IL7: variants seen among roughly 807,000 people sequenced by gnomAD.
IL7 encodes the protein interleukin 7.
IL7 carries 3 observed loss-of-function variants against 21.6 expected under a neutral mutation model. The observed-to-expected ratio is 0.14, with a 90% confidence interval of 0.06 to 0.36. The LOEUF is 0.36. Among genes scored for constraint, IL7 ranks in the 10% least tolerant of loss-of-function variants. IL7 has a pLI of 1.00. For missense variants in IL7, 175 were observed against 200.2 expected, an observed-to-expected ratio of 0.87 and a Z score of 0.76; for synonymous variants, 62 against 68.1, an observed-to-expected ratio of 0.91 and a Z score of 0.44.
intron 5 of IL7, among the ~76,000 whole-genome samples, chr8:78,719,919 A>G (rs2130629104): frequency 6.6e-6 from 1 of 151,936 alleles, no homozygotes; most frequent in South Asian, 2.1e-4. Context: ...CAGCTTTTTA[A>G]AATGTATTAC....
intron 3 of IL7, chr8:78,686,672 A>G: frequency 1.5e-6 from 2 of 1,378,366 alleles, no homozygotes; most frequent in Middle Eastern, 2.0e-4. Flanking sequence ...AGTTTTTATA[A>G]ATTTTCACTT....
intron 3 of IL7, among the ~76,000 whole-genome samples, chr8:78,687,632 CATT>C (rs1468148123): frequency 7.9e-6 from 1 of 126,578 alleles, no homozygotes; most frequent in Non-Finnish European, 1.6e-5. Context: ...TTACGTAATA[CATT>C]ATATATATAT....
At position 78,705,077 on chromosome 8, in the gene IL7, C is replaced by T. The variant is rs77442309; in HGVS notation, n.214+16271G>A. 6.4e-3 allele frequency among the ~76,000 whole-genome samples: 977 copies of T among 152,248 alleles called. 7 individuals are homozygous for T. Among genetic ancestry groups the T allele is most frequent in the Non-Finnish European group, 0.011 (722 of 68,034 alleles). On this transcript the variant is annotated intron_variant and non_coding_transcript_variant, in intron 3 of 4. Transcript: ENST00000523959. ...TAGCTCAGTGAACTTCGTTCCTGTC[C>T]GTATCCTGAATTCTGCTTCTTTCAT...
intron 2 of IL7, among the ~76,000 whole-genome samples, chr8:78,749,772 G>A (rs962280241): frequency 1.3e-5 from 2 of 152,036 alleles, no homozygotes; most frequent in African/African-American, 4.8e-5. Context: ...GGTAGGAGGA[G>A]GGGAAAAAAC....
downstream of IL7, chr8:78,715,138 C>T: frequency 8.3e-7 from 1 of 1,201,826 alleles, no homozygotes; most frequent in Non-Finnish European, 1.2e-6. Flanking sequence ...TCTAAGTATT[C>T]TTTCTAGTCA....
At chr8:78,750,067 G>T (rs1421317509) in intron 2 of IL7, among the ~76,000 whole-genome samples, 1 of 151,924 alleles carries the variant, frequency 6.6e-6, no homozygotes, top group Non-Finnish European at 1.5e-5. Context: ...AAGCTGAATA[G>T]TCTGTTCTCC....
At chr8:78,723,902 G>C (rs1451882834) in intron 3 of IL7, 1 of 214,728 alleles carries the variant, frequency 4.7e-6, no homozygotes, top group East Asian at 1.2e-4. Context: ...TTCCACTTGA[G>C]CTGGTACTGC....
rs1465998318 is a variant in IL7 at position 78,805,433 on chromosome 8, T to G, written c.-511A>C. 6.6e-6 allele frequency: 1 copy of G among 152,590 alleles called. No homozygotes were observed. Among genetic ancestry groups the G allele is most frequent in the African/African-American group, 2.4e-5 (1 of 41,414 alleles). The allele number at this position is 152,590 out of a possible 1,614,324, so 9.5% of individuals were successfully genotyped here. A position where few individuals can be genotyped will look rare whatever the true frequency, so the allele number is the denominator to read the frequency against. ...GGCGACTGGGAGCTAGAACCATGAG[T>G]TGTTAATGTGTGCACGGAAGCCACA... On this transcript the variant is annotated 5_prime_UTR_variant, in exon 1 of 6. Coordinates refer to ENST00000263851, the MANE Select transcript of IL7 (RefSeq NM_000880.4).
chr8:78,760,923 C>T (rs2130761758), intron 2 of IL7: 3 of 1,557,410 alleles, frequency 1.9e-6, no homozygotes, highest in East Asian at 2.3e-5. Context: ...GAGGTTTGCC[C>T]CTGGAGGTTT....
chr8:78,746,769 G>A (rs1273713568), intron 2 of IL7: 3 of 318,034 alleles, frequency 9.4e-6, no homozygotes, highest in South Asian at 2.7e-5. Context: ...CTCTTTCTGT[G>A]TGTGTATGTG....
At chr8:78,766,077 A>T (rs1812744716) in intron 2 of IL7, among the ~76,000 whole-genome samples, 1 of 152,168 alleles carries the variant, frequency 6.6e-6, no homozygotes, top group Non-Finnish European at 1.5e-5. Flanking sequence ...CCAAACTGAA[A>T]AAGGCTATAT....
intron 2 of IL7, among the ~76,000 whole-genome samples, chr8:78,744,586 T>C (rs1400590672): frequency 6.6e-6 from 1 of 152,166 alleles, no homozygotes; most frequent in African/African-American, 2.4e-5. Context: ...ACCATGGAAG[T>C]AGGGCCTACA....
At chr8:78,698,655 C>T in intron 3 of IL7, 1 of 530,966 alleles carries the variant, frequency 1.9e-6, no homozygotes, top group Non-Finnish European at 3.1e-6. Flanking sequence ...CAGGAGCACA[C>T]TCACTGCTGT....
intron 3 of IL7, among the ~76,000 whole-genome samples, chr8:78,708,965 C>G (rs1222738980): frequency 6.6e-6 from 1 of 152,048 alleles, no homozygotes; most frequent in African/African-American, 2.4e-5. Context: ...CACGCCCGGC[C>G]AAAAGATGAT....
chr8:78,795,552 C>T (rs1310874323), intron 2 of IL7, among the ~76,000 whole-genome samples: 1 of 151,856 alleles, frequency 6.6e-6, no homozygotes, highest in African/African-American at 2.4e-5. Flanking sequence ...TATATTCTCC[C>T]ACCAAAAAAA....
intron 2 of IL7, among the ~76,000 whole-genome samples, chr8:78,792,598 AGT>A (rs1172232042): frequency 6.6e-6 from 1 of 152,150 alleles, no homozygotes; most frequent in Non-Finnish European, 1.5e-5. Context: ...CCAATTTAAA[AGT>A]GGGTGAAAGA....
downstream of IL7, among the ~76,000 whole-genome samples, chr8:78,730,189 C>T (rs76573074): frequency 9.5e-3 from 1,445 of 151,986 alleles, 19 homozygotes; most frequent in African/African-American, 0.033. Context: ...AAATTGCTGC[C>T]TTTCAAGAAA....
chr8:78,802,636 T>C (rs770600388), intron 1 of IL7, among the ~76,000 whole-genome samples: 18 of 152,116 alleles, frequency 1.2e-4, no homozygotes, highest in Non-Finnish European at 2.1e-4. Flanking sequence ...TTTCACCATG[T>C]TGGCCAGCCT....
intron 2 of IL7, among the ~76,000 whole-genome samples, chr8:78,787,374 T>C (rs896972131): frequency 2.0e-5 from 3 of 152,204 alleles, no homozygotes; most frequent in African/African-American, 7.2e-5. Context: ...TTGTGTCCTT[T>C]GCAGAATTGA....
Sources: allele counts gnomAD v4.1 joint callset (sites outside exome capture counted in the v4.1 genomes callset), GRCh38; gene constraint gnomAD v4.1.1; transcripts MANE v1.5; gene names NCBI Gene and HGNC (gene_info 2026-07-23, HGNC 2026-07-21).